Variants in CLMP observed in about 807,000 individuals in gnomAD.
CLMP encodes CXADR-like membrane protein.
Under a neutral mutation model 45.2 loss-of-function variants are expected in CLMP, and 27 were observed. That is an observed-to-expected ratio of 0.60 (90% confidence interval 0.44 to 0.82). The LOEUF (loss-of-function observed/expected upper bound fraction) is 0.82, where lower values mean the gene tolerates loss of function less well. Ranked by LOEUF, CLMP falls within the 40% of genes least tolerant of loss-of-function variation. The probability of loss-of-function intolerance (pLI) is 0.00; values close to 1 mark genes in which losing one functional copy is unlikely to be tolerated. For synonymous variants in CLMP, 167 were observed against 171.4 expected (o/e 0.97, Z 0.20); for missense variants, 403 against 448.4 (o/e 0.90, Z 0.91).
chr11:123,132,212 CTT>C (rs1861001595), intron 1 of CLMP, among the ~76,000 whole-genome samples: 1 of 152,168 alleles, frequency 6.6e-6, no homozygotes, highest in South Asian at 2.1e-4. Flanking sequence ...TGATTCCTAA[CTT>C]CCTGCAGGCT....
At chr11:123,148,032 T>A (rs1323690644) in intron 1 of CLMP, among the ~76,000 whole-genome samples, 1 of 152,178 alleles carries the variant, frequency 6.6e-6, no homozygotes, top group East Asian at 1.9e-4. Context: ...TTCTGCAGCT[T>A]ACCTAGATGC....
At chr11:123,146,999 T>G (rs1189604832) in intron 1 of CLMP, among the ~76,000 whole-genome samples, 1 of 152,242 alleles carries the variant, frequency 6.6e-6, no homozygotes, top group Non-Finnish European at 1.5e-5. Flanking sequence ...TTCGAGCTCC[T>G]GAATACCTTT....
intron 1 of CLMP, among the ~76,000 whole-genome samples, chr11:123,100,442 G>A (rs1001151463): frequency 3.9e-5 from 6 of 151,950 alleles, no homozygotes; most frequent in African/African-American, 1.2e-4. Flanking sequence ...GATGGTGATC[G>A]CAGTAGCAGT....
intron 1 of CLMP, among the ~76,000 whole-genome samples, chr11:123,181,573 C>G (rs1272495257): frequency 1.3e-5 from 2 of 152,200 alleles, no homozygotes; most frequent in Non-Finnish European, 2.9e-5. Flanking sequence ...CCCAGTTTCT[C>G]TCCTTTGTCA....
intron 1 of CLMP, among the ~76,000 whole-genome samples, chr11:123,167,418 T>A (rs970206723): frequency 6.6e-6 from 1 of 152,138 alleles, no homozygotes; most frequent in Non-Finnish European, 1.5e-5. Context: ...CCTGAGTAGC[T>A]GGGACTACAG....
At chr11:123,192,452 AG>A (rs1048660747) in intron 1 of CLMP, among the ~76,000 whole-genome samples, 25 of 152,152 alleles carry the variant, frequency 1.6e-4, no homozygotes, top group African/African-American at 5.8e-4. Context: ...GCGGCCTCAC[AG>A]GGTTACTCGG....
At chr11:123,161,044 A>G (rs1015490303) in intron 1 of CLMP, among the ~76,000 whole-genome samples, 2 of 152,032 alleles carry the variant, frequency 1.3e-5, no homozygotes, top group African/African-American at 4.8e-5. Context: ...AGGCAGCATT[A>G]GATTTCCTTG....
At chr11:123,090,429 A>G (rs1319144493) in intron 2 of CLMP, among the ~76,000 whole-genome samples, 1 of 152,130 alleles carries the variant, frequency 6.6e-6, no homozygotes, top group African/African-American at 2.4e-5. Context: ...TCAAAAAAAA[A>G]AAGAAAAAAC....
intron 1 of CLMP, among the ~76,000 whole-genome samples, chr11:123,098,701 ATTTTTT>A (rs1156546713): frequency 8.9e-6 from 1 of 112,660 alleles, no homozygotes; most frequent in African/African-American, 3.5e-5. Flanking sequence ...ATCCTGGCTA[ATTTTTT>A]TTTTTTTTTT....
chr11:123,182,926 T>A (rs1861788411), intron 1 of CLMP, among the ~76,000 whole-genome samples: 1 of 152,170 alleles, frequency 6.6e-6, no homozygotes, highest in African/African-American at 2.4e-5. Context: ...TAAACCTAAG[T>A]CTTTTGTGCC....
chr11:123,109,138 C>G (rs1234592904), intron 1 of CLMP, among the ~76,000 whole-genome samples: 1 of 151,156 alleles, frequency 6.6e-6, no homozygotes, highest in Non-Finnish European at 1.5e-5. Flanking sequence ...AAAACTGTCT[C>G]AGTAGGAACT....
chr11:123,140,578 C>G (rs1480147023), intron 1 of CLMP, among the ~76,000 whole-genome samples: 1 of 151,978 alleles, frequency 6.6e-6, no homozygotes, highest in African/African-American at 2.4e-5. Context: ...ACCCCCGAAC[C>G]CTCACACTCC....
intron 1 of CLMP, among the ~76,000 whole-genome samples, chr11:123,130,093 C>G (rs1860963705): frequency 6.6e-6 from 1 of 152,042 alleles, no homozygotes; most frequent in African/African-American, 2.4e-5. Flanking sequence ...GAGTGGAAAC[C>G]TCTCTTCATA....
At chr11:123,171,265 G>GTTCT (rs372024039) in intron 1 of CLMP, among the ~76,000 whole-genome samples, 59 of 152,190 alleles carry the variant, frequency 3.9e-4, no homozygotes, top group African/African-American at 1.4e-3. Context: ...AGTCTAAAGG[G>GTTCT]TTCTCCTAGT....
intron 1 of CLMP, among the ~76,000 whole-genome samples, chr11:123,187,201 A>C (rs1170630774): frequency 6.6e-6 from 1 of 152,132 alleles, no homozygotes; most frequent in Non-Finnish European, 1.5e-5. Flanking sequence ...TTTCAAGTAG[A>C]CAAGCCTGGC....
intron 1 of CLMP, among the ~76,000 whole-genome samples, chr11:123,129,814 G>A (rs1860959264): frequency 6.6e-6 from 1 of 151,188 alleles, no homozygotes; most frequent in Non-Finnish European, 1.5e-5. Flanking sequence ...TAATGGCAAA[G>A]TTGGGACTGG....
At position 123,150,539 on chromosome 11, in the gene CLMP, G is replaced by C. The variant is rs559737264; in HGVS notation, c.28+44374C>G. 1.9e-3 allele frequency among the ~76,000 whole-genome samples: 212 copies of C among 111,478 alleles called. 3 individuals carry two copies. The highest frequency in any genetic ancestry group is 0.013 in the Admixed American group (131 of 9,964). 73.1% of individuals were successfully genotyped at this position (111,478 alleles called of 152,430 possible). On this transcript the variant is annotated intron_variant, in intron 1 of 6. Coordinates refer to ENST00000448775, the MANE Select transcript of CLMP (RefSeq NM_024769.5). Reference sequence around the variant, plus strand: ...AGGAAGGAAGGAAGGAAAGAAACAAGCAAGGAAGGAAGGAAGGAAGGAAAG... The same window carrying C: ...AGGAAGGAAGGAAGGAAAGAAACAACCAAGGAAGGAAGGAAGGAAGGAAAG...
At chr11:123,180,422 C>A (rs116723623) in intron 1 of CLMP, among the ~76,000 whole-genome samples, 1 of 152,116 alleles carries the variant, frequency 6.6e-6, no homozygotes, top group Non-Finnish European at 1.5e-5. Context: ...CCTTCCACCA[C>A]GTGGCTCTCT....
intron 1 of CLMP, among the ~76,000 whole-genome samples, chr11:123,169,586 C>G (rs1303773316): frequency 6.6e-6 from 1 of 152,136 alleles, no homozygotes; most frequent in Admixed American, 6.6e-5. Flanking sequence ...CCCTCTTACC[C>G]CATTTTTCAT....
Sources: allele counts gnomAD v4.1 joint callset (sites outside exome capture counted in the v4.1 genomes callset), GRCh38; gene constraint gnomAD v4.1.1; transcripts MANE v1.5; gene names NCBI Gene and HGNC (gene_info 2026-07-23, HGNC 2026-07-21).